RNF212B: variants seen among roughly 807,000 people sequenced by gnomAD.
RNF212B encodes E3 ubiquitin-protein ligase RNF212B.
A neutral mutation model predicts 55.5 loss-of-function variants in RNF212B; 52 were observed. The ratio of observed to expected loss-of-function variants is 0.94; its 90% CI spans 0.75 to 1.18. The LOEUF is 1.18. RNF212B is among the 50% of genes most tolerant of loss of function. The pLI is 0.00. For missense variants in RNF212B, 289 were observed against 350.4 expected (o/e 0.82, Z 1.40); for synonymous variants, 99 against 121.4 (o/e 0.82, Z 1.21).
chr14:23,185,507 A>G (rs1487557570), intron 1 of RNF212B: 3 of 152,208 alleles, frequency 2.0e-5, no homozygotes, highest in Non-Finnish European at 4.4e-5. Flanking sequence ...TCTTTCAGTA[A>G]TATTTGGTAG....
At chr14:23,261,881 C>A (rs552194828) in intron 7 of RNF212B, among the ~76,000 whole-genome samples, 36 of 152,022 alleles carry the variant, frequency 2.4e-4, no homozygotes, top group Non-Finnish European at 4.7e-4. Flanking sequence ...AGGAGAATGG[C>A]GGGAACCCAG....
At chr14:23,236,160 G>A (rs573535401), upstream of RNF212B, among the ~76,000 whole-genome samples, 5 of 152,234 alleles carry the variant, frequency 3.3e-5, no homozygotes, top group South Asian at 2.1e-4. Flanking sequence ...ATGTAAAAAC[G>A]ATGCCACTCT....
chr14:23,238,508 G>T (rs1051242001), intron 1 of RNF212B, among the ~76,000 whole-genome samples: 2 of 151,812 alleles, frequency 1.3e-5, no homozygotes, highest in Non-Finnish European at 2.9e-5. Context: ...AAGGAGGATC[G>T]TTTGAGTCCA....
At chr14:23,245,142 T>C (rs1191863759) in intron 4 of RNF212B, among the ~76,000 whole-genome samples, 1 of 152,168 alleles carries the variant, frequency 6.6e-6, no homozygotes, top group Non-Finnish European at 1.5e-5. Flanking sequence ...ATACTCTTAC[T>C]TCTTATTCTT....
intron 6 of RNF212B, among the ~76,000 whole-genome samples, chr14:23,260,424 C>G (rs1264188788): frequency 1.3e-5 from 2 of 152,190 alleles, no homozygotes; most frequent in Non-Finnish European, 2.9e-5. Flanking sequence ...CCGTATTTCC[C>G]CACATATGTT....
upstream of RNF212B, among the ~76,000 whole-genome samples, chr14:23,233,562 CAA>C (rs35654046): frequency 0.057 from 3,303 of 58,388 alleles, 26 homozygotes; most frequent in South Asian, 0.11. Flanking sequence ...CCCATCTCTA[CAA>C]AAAAAAAAAA....
rs370252238 is a variant in RNF212B at position 23,211,227 on chromosome 14, AAG to A, written c.-2+17828_-2+17829del. Among the ~76,000 whole-genome samples the A allele has an allele frequency of 2.1e-3, 246 of 119,194 alleles. 8 individuals carry two copies. The highest frequency in any genetic ancestry group is 3.0e-3 in the Admixed American group (30 of 9,986). 78.2% of individuals were successfully genotyped at this position (119,194 alleles called of 152,430 possible). A position where few individuals can be genotyped will look rare whatever the true frequency, so the allele number is the denominator to read the frequency against. The stretch of plus-strand genomic sequence containing the variant: ...AGTGAGACTCTGTCTCAAAAAAAAA[AAG>A]AAAGAAAAAGCAACAAATTGAACAA... On this transcript the variant is annotated intron_variant, in intron 2 of 15. Coordinates refer to the RNF212B transcript ENST00000399910.
At chr14:23,240,476 G>GA (rs2140435480) in intron 2 of RNF212B, 31 bp downstream of exon 2, 5 of 1,436,606 alleles carry the variant, frequency 3.5e-6, no homozygotes, top group Non-Finnish European at 4.8e-6. Flanking sequence ...CAGATTCAGG[G>GA]AAAAATGTTT....
chr14:23,197,587 T>C (rs1878844891), intron 2 of RNF212B, among the ~76,000 whole-genome samples: 1 of 151,794 alleles, frequency 6.6e-6, no homozygotes, highest in Non-Finnish European at 1.5e-5. Context: ...AAATTAAAAA[T>C]TATTTAAAAA....
intron 2 of RNF212B, among the ~76,000 whole-genome samples, chr14:23,211,272 G>A (rs1471118831): frequency 3.3e-5 from 5 of 150,272 alleles, no homozygotes; most frequent in African/African-American, 4.9e-5. Flanking sequence ...AAAAATGGAC[G>A]AACTCCTTGA....
At chr14:23,205,112 T>C (rs574687667) in intron 2 of RNF212B, among the ~76,000 whole-genome samples, 1 of 152,286 alleles carries the variant, frequency 6.6e-6, no homozygotes, top group Non-Finnish European at 1.5e-5. Context: ...GGACTAAACA[T>C]TTACTATAAA....
intron 4 of RNF212B, among the ~76,000 whole-genome samples, chr14:23,252,536 G>T (rs1052826993): frequency 1.1e-4 from 16 of 152,192 alleles, no homozygotes; most frequent in Admixed American, 6.5e-5. Context: ...AGAGAAAGGG[G>T]TTTAATCATA....
chr14:23,232,985 A>G (rs987202458), upstream of RNF212B, among the ~76,000 whole-genome samples: 69 of 152,350 alleles, frequency 4.5e-4, no homozygotes, highest in African/African-American at 1.6e-3. Context: ...AGGTGGGGAA[A>G]AGACAGAGAA....
chr14:23,243,215 T>G (rs1488924956), intron 2 of RNF212B, 41 bp from the exon 3 acceptor site: 1 of 1,494,996 alleles, frequency 6.7e-7, no homozygotes, highest in Non-Finnish European at 9.1e-7. Flanking sequence ...TCTTACCTCA[T>G]GCTCATGAGA....
At chr14:23,230,392 C>T (rs544672341) in intron 2 of RNF212B, among the ~76,000 whole-genome samples, 78 of 152,152 alleles carry the variant, frequency 5.1e-4, no homozygotes, top group Non-Finnish European at 8.1e-4. Flanking sequence ...CGGTGGCTCA[C>T]GCCTGTAATC....
At chr14:23,236,961 CT>C (rs1462199563), upstream of RNF212B, among the ~76,000 whole-genome samples, 264 of 137,978 alleles carry the variant, frequency 1.9e-3, no homozygotes, top group East Asian at 2.5e-3. Flanking sequence ...CTGTCTCTCT[CT>C]TTTTTTTTTT....
chr14:23,207,802 C>T (rs570510420), intron 2 of RNF212B, among the ~76,000 whole-genome samples: 10 of 152,196 alleles, frequency 6.6e-5, no homozygotes, highest in East Asian at 5.8e-4. Flanking sequence ...CCAAGGTGGT[C>T]GGGGTACAGC....
chr14:23,220,221 CAAAAA>C (rs1329275797), intron 2 of RNF212B, among the ~76,000 whole-genome samples: 1 of 150,968 alleles, frequency 6.6e-6, no homozygotes, highest in African/African-American at 2.4e-5. Context: ...AAAACAAAAA[CAAAAA>C]CAAAAACAAA....
At chr14:23,226,874 C>T (rs1209406505) in intron 2 of RNF212B, among the ~76,000 whole-genome samples, 2 of 146,164 alleles carry the variant, frequency 1.4e-5, no homozygotes, top group Non-Finnish European at 3.0e-5. Context: ...AACTCCTGAG[C>T]TCAAGTAATC....
Sources: allele counts gnomAD v4.1 joint callset (sites outside exome capture counted in the v4.1 genomes callset), GRCh38; gene constraint gnomAD v4.1.1; transcripts MANE v1.5; gene names NCBI Gene and HGNC (gene_info 2026-07-23, HGNC 2026-07-21).